PLXNA1: variants seen among roughly 807,000 people sequenced by gnomAD.
PLXNA1 encodes plexin A1.
PLXNA1 carries 77 observed loss-of-function variants against 191.7 expected under a neutral mutation model. That is an observed-to-expected ratio of 0.40 (90% CI 0.33 to 0.49). The LOEUF (loss-of-function observed/expected upper bound fraction) is 0.49, where lower values mean the gene tolerates loss of function less well. PLXNA1 is among the 20% of genes least tolerant of loss of function. The pLI is 0.63. For missense variants in PLXNA1, 2,110 were observed against 2,660.2 expected (o/e 0.79, Z 4.55); for synonymous variants, 1,137 against 1,156.4 (o/e 0.98, Z 0.34).
intron 4 of PLXNA1, among the ~76,000 whole-genome samples, chr3:127,004,314 G>C (rs559432795): frequency 6.6e-6 from 1 of 152,244 alleles, no homozygotes; most frequent in Non-Finnish European, 1.5e-5. Context: ...TCAGAGCTGG[G>C]AGGGAGTCCA....
chr3:127,017,780 A>G lies in PLXNA1; in HGVS notation c.3548A>G (p.Asn1183Ser), dbSNP rs767345946. 3.1e-6 allele frequency: 5 copies of G among 1,612,310 alleles called. No individual in the cohort carries two copies. The East Asian group carries it at 6.7e-5, about 22-fold the overall frequency. ...GRNLLPPAPG[N>S]SRLNYTVLIG... ...AACCTCTTGCCACCTGCACCCGGCA[A>G]CTCCCGACTCAACTACACGGTGCTC... Residue 1183 changes from asparagine to serine, a missense_variant, in exon 19 of 32, where the codon AAC (asparagine) becomes AGC (serine). Transcript: ENST00000393409.
Position 126,988,904 on chromosome 3 carries a change from GC to G in PLXNA1, c.316del (p.His106ThrfsTer158). On this transcript the variant is annotated frameshift_variant, in exon 2 of 32. Coordinates refer to ENST00000393409, the MANE Select transcript of PLXNA1 (RefSeq NM_032242.4). LOFTEE classifies it high-confidence loss of function. Reference protein sequence around the residue: ...KCYPPPSVQSCPHGLGSTDNV... With the variant: ...KCYPPPSVQSXPHGLGSTDNV... ...TACCCGCCGCCCAGCGTGCAGTCCT[GC>G]CCCCACGGCCTGGGCAGTACTGACA... 1 of 1,613,244 alleles carries G rather than the reference GC, an allele frequency of 6.2e-7. No individual in the cohort carries two copies. Among genetic ancestry groups the G allele is most frequent in the Non-Finnish European group, 8.5e-7 (1 of 1,179,998 alleles).
chr3:127,029,406 G>A, intron 26 of PLXNA1, 34 bp from the exon 27 acceptor site: 1 of 1,593,094 alleles, frequency 6.3e-7, no homozygotes, highest in Non-Finnish European at 8.6e-7. Flanking sequence ...GGGCACCCTG[G>A]TGGGTCACAG....
At chr3:126,999,097 C>A (rs1339614218) in intron 3 of PLXNA1, among the ~76,000 whole-genome samples, 1 of 152,106 alleles carries the variant, frequency 6.6e-6, no homozygotes, top group African/African-American at 2.4e-5. Flanking sequence ...GGAGTGGGTC[C>A]GCTGGGGCCT....
intron 3 of PLXNA1, among the ~76,000 whole-genome samples, chr3:126,995,051 C>T (rs74696869): frequency 0.016 from 2,376 of 152,224 alleles, 68 homozygotes; most frequent in African/African-American, 0.051. Context: ...CAGTCTTTTC[C>T]GGGCTTTAAA....
chr3:126,999,243 C>T (rs890354267), intron 3 of PLXNA1, among the ~76,000 whole-genome samples: 4 of 152,180 alleles, frequency 2.6e-5, no homozygotes, highest in Admixed American at 6.5e-5. Context: ...AGGCTGGGGA[C>T]GGGTTTGGCA....
intron 29 of PLXNA1, 122 bp from the exon 30 acceptor site, chr3:127,032,265 T>A (rs1382333150): frequency 3.0e-6 from 3 of 990,310 alleles, no homozygotes; most frequent in Non-Finnish European, 3.0e-6. Context: ...TCTGTGGGCC[T>A]CGTTTCCCCG....
chr3:127,009,777 A>AT (rs1431100695), intron 9 of PLXNA1, among the ~76,000 whole-genome samples: 2 of 152,100 alleles, frequency 1.3e-5, no homozygotes, highest in Non-Finnish European at 2.9e-5. Context: ...CTGAAGGCGG[A>AT]GTGGCCTGTG....
intron 8 of PLXNA1, among the ~76,000 whole-genome samples, chr3:127,007,221 G>C (rs566867210): frequency 3.3e-4 from 51 of 152,264 alleles, no homozygotes; most frequent in African/African-American, 1.2e-3. Context: ...AGATGGCAAG[G>C]TGCCAGCCCT....
Position 126,994,338 on chromosome 3 carries a change from C to T in PLXNA1, c.1377+2772C>T, listed in dbSNP as rs62263310. Among the ~76,000 whole-genome samples, 128 of 152,288 alleles carry T rather than the reference C, an allele frequency of 8.4e-4. 1 individual carries two copies. Among genetic ancestry groups the T allele is most frequent in the Middle Eastern group, 6.8e-3 (2 of 294 alleles). On this transcript the variant is annotated intron_variant, in intron 3 of 31. Coordinates refer to ENST00000393409, the MANE Select transcript of PLXNA1 (RefSeq NM_032242.4). ...GGCTGTCTGGCTAGCTCCTGCCCTC[C>T]GACCTGGCTGGGAGTGCTGCTGCTG... is the stretch of plus-strand genomic sequence containing the variant.
At chr3:127,028,775 G>A (rs1028473140) in intron 25 of PLXNA1, 1 of 582,912 alleles carries the variant, frequency 1.7e-6, no homozygotes, top group Non-Finnish European at 3.0e-6. Flanking sequence ...AGGCAGGGCA[G>A]ACCCCCTTAG....
chr3:127,030,173 C>G, intron 28 of PLXNA1, 70 bp from the exon 29 acceptor site: 1 of 1,591,492 alleles, frequency 6.3e-7, no homozygotes, highest in Non-Finnish European at 8.6e-7. Flanking sequence ...GGCCACTTGC[C>G]TAGTCACCCA....
chr3:127,030,534 C>A (rs757110954), intron 29 of PLXNA1, 122 bp downstream of exon 29: 2 of 1,212,602 alleles, frequency 1.6e-6, no homozygotes, highest in Non-Finnish European at 2.3e-6. Context: ...GGACACAACC[C>A]AGCAGGGGCA....
At position 126,989,135 on chromosome 3, in the gene PLXNA1, G is replaced by A. The variant is rs200092438; in HGVS notation, c.542G>A (p.Gly181Asp). The part of the protein sequence containing the change: ...GVLIAGPPGQ[G>D]QAKLFVGTPI... ...CTCATTGCCGGGCCACCGGGCCAGG[G>A]CCAGGCCAAGCTCTTCGTGGGCACA... The change falls in exon 2 of 32, where the codon GGC becomes GAC. Residue 181 changes from glycine to aspartate, a missense_variant. Transcript: ENST00000393409. The A allele has an allele frequency of 3.4e-5, 55 of 1,613,176 alleles. No individual in the cohort carries two copies. Among genetic ancestry groups the A allele is most frequent in the South Asian group, 1.2e-4 (11 of 91,082 alleles).
chr3:126,994,025 G>A (rs1365216597), intron 3 of PLXNA1, among the ~76,000 whole-genome samples: 2 of 152,172 alleles, frequency 1.3e-5, no homozygotes, highest in Admixed American at 1.3e-4. Flanking sequence ...CTCGTACCAT[G>A]CGGACCTGGC....
At chr3:127,012,261 C>A (rs189032977) in intron 10 of PLXNA1, 103 bp downstream of exon 10, 3 of 1,155,806 alleles carry the variant, frequency 2.6e-6, no homozygotes, top group Non-Finnish European at 3.7e-6. Context: ...GGGCAGTGCA[C>A]GTGCTCACGT....
intron 2 of PLXNA1, 28 bp downstream of exon 2, chr3:126,989,815 C>T: frequency 6.4e-7 from 1 of 1,558,568 alleles, no homozygotes; most frequent in Non-Finnish European, 8.7e-7. Context: ...GCCCCTCCTC[C>T]CGCGGCCCCA....
chr3:127,005,615 C>T (rs984025520), intron 7 of PLXNA1, among the ~76,000 whole-genome samples: 5 of 152,144 alleles, frequency 3.3e-5, no homozygotes, highest in African/African-American at 1.2e-4. Flanking sequence ...CATGGTGACC[C>T]AGAGGGTGGA....
intron 1 of PLXNA1, among the ~76,000 whole-genome samples, chr3:126,986,288 T>C (rs758615050): frequency 6.6e-6 from 1 of 152,200 alleles, no homozygotes; most frequent in Non-Finnish European, 1.5e-5. Context: ...CCTTGAGCTC[T>C]GAGGCGGGGG....
Sources: gnomAD v4.1 joint callset for allele counts (sites outside exome capture counted in the v4.1 genomes callset) on GRCh38, gnomAD v4.1.1 for gene constraint, MANE v1.5 for transcripts, NCBI Gene and HGNC (gene_info 2026-07-23, HGNC 2026-07-21) for gene names.